The following INSR variants were observed in gnomAD, a reference collection of about 807,000 sequenced individuals.
The protein encoded by INSR is insulin receptor.
Under a neutral mutation model 142.6 loss-of-function variants are expected in INSR, and 67 were observed. That is an observed-to-expected ratio of 0.47 (90% CI 0.39 to 0.58). The LOEUF is 0.58. INSR is among the 20% of genes least tolerant of loss of function. INSR has a pLI of 0.00. For synonymous variants in INSR, 756 were observed against 743.1 expected (o/e 1.02, Z -0.28); for missense variants, 1,248 against 1,833.2 (o/e 0.68, Z 5.83).
intron 1 of INSR, among the ~76,000 whole-genome samples, chr19:7,290,712 G>A (rs554569173): frequency 1.6e-4 from 24 of 149,816 alleles, no homozygotes; most frequent in Non-Finnish European, 2.7e-4. Flanking sequence ...GGCGGAGGTC[G>A]CAAAGATCGT....
rs773111548 is a variant in INSR, at chr19:7,152,993, A to AC, written c.2030-67dup. 5,317 of 690,012 alleles carry AC rather than the reference A, an allele frequency of 7.7e-3. 71 individuals are homozygous for AC. Among genetic ancestry groups the AC allele is most frequent in the Non-Finnish European group, 8.9e-3 (3,900 of 437,960 alleles). The allele number at this position is 690,012 out of a possible 1,614,324, so 42.7% of individuals were successfully genotyped here. A position where few individuals can be genotyped will look rare whatever the true frequency, so the allele number is the denominator to read the frequency against. On this transcript the variant is annotated intron_variant, in intron 9 of 21. Coordinates refer to ENST00000302850, the MANE Select transcript of INSR (RefSeq NM_000208.4). ...GCTGAACACACATACACACACACAC[A>AC]CACCCCACACACACACACACCACAC...
At chr19:7,153,459 C>CCACACACCACA (rs72347224) in intron 9 of INSR, among the ~76,000 whole-genome samples, 9 of 131,330 alleles carry the variant, frequency 6.9e-5, no homozygotes, top group Non-Finnish European at 1.0e-4. Flanking sequence ...CACACCCACG[C>CCACACACCACA]CACACACCAC....
In INSR at chr19:7,174,589, C is replaced by T; in HGVS notation, c.1117G>A (p.Gly373Arg). The T allele has an allele frequency of 3.7e-6, 6 of 1,614,014 alleles. No individual in the cohort carries two copies. The highest frequency in any genetic ancestry group is 5.1e-6 in the Non-Finnish European group (6 of 1,179,968). Residue 373 changes from glycine to arginine, a missense_variant, in exon 4 of 22, where the codon GGA (glycine) becomes AGA (arginine). Physicochemically the swap from Gly to Arg is moderately radical, Grantham distance 125. This residue lies in a region of INSR where 1,069 missense variants were observed against 1,654.0 expected (regional missense o/e 0.65). Transcript: ENST00000302850. ...INGSLIINIR[G>R]GNNLAAELEA... is the part of the protein sequence containing the mutation. The stretch of plus-strand genomic sequence containing the variant: ...CCCACACAGAGACACTCACTGCCTC[C>T]TCGAATGTTGATGATCAGACTCCCG...
At chr19:7,208,460 C>G (rs983327044) in intron 2 of INSR, among the ~76,000 whole-genome samples, 2 of 152,110 alleles carry the variant, frequency 1.3e-5, no homozygotes, top group African/African-American at 4.8e-5. Flanking sequence ...ACAGCAGATA[C>G]CCAAATAGAA....
chr19:7,132,455 A>T (rs907926794), intron 13 of INSR, 138 bp from the exon 14 acceptor site: 2 of 889,588 alleles, frequency 2.2e-6, no homozygotes, highest in African/African-American at 3.3e-5. Context: ...AAGACACATA[A>T]GCGACTTTGA....
At chr19:7,274,434 C>T (rs560505764) in intron 1 of INSR, among the ~76,000 whole-genome samples, 7 of 151,104 alleles carry the variant, frequency 4.6e-5, no homozygotes, top group South Asian at 2.1e-4. Context: ...TTTCCCATGA[C>T]GCCTACGAGA....
At chr19:7,212,208 G>A (rs1160617307) in intron 2 of INSR, among the ~76,000 whole-genome samples, 1 of 152,100 alleles carries the variant, frequency 6.6e-6, no homozygotes, top group Admixed American at 6.6e-5. Flanking sequence ...CTTGGTGAGC[G>A]AGACTCTTGC....
intron 2 of INSR, among the ~76,000 whole-genome samples, chr19:7,266,647 A>G (rs943390953): frequency 2.0e-5 from 3 of 152,094 alleles, no homozygotes; most frequent in Non-Finnish European, 4.4e-5. Context: ...AGCCTCCCCA[A>G]GTGCTGGGAT....
chr19:7,288,312 G>GC (rs1968397905), intron 1 of INSR, among the ~76,000 whole-genome samples: 1 of 152,060 alleles, frequency 6.6e-6, no homozygotes, highest in Admixed American at 6.6e-5. Flanking sequence ...ACCAGCATGG[G>GC]CAACATAGCT....
rs749680238 is a variant in INSR at position 7,150,505 on chromosome 19, C to G, written c.2259G>C (p.Glu753Asp). The G allele has an allele frequency of 2.5e-6, 4 of 1,614,064 alleles. No individual in the cohort carries two copies. In the African/African-American group the frequency reaches 4.0e-5, roughly 16 times the overall value. Residue 753 changes from glutamate (E) to aspartate (D), a missense_variant, in exon 11 of 22, where the codon GAG (glutamate) becomes GAC (aspartate). Transcript: ENST00000302850. The surrounding 1 kb of genome is among the most constrained non-coding windows in gnomAD (Gnocchi z 4.2). ...PRKTSSGTGA[E>D]DPRPSRKRRS... is the part of the protein sequence containing the mutation. ...GCACAGGTGAGTCATACCTAGGGTC[C>G]TCGGCACCAGTGCCTGAAGAGGTTT...
At chr19:7,231,213 A>G (rs992707344) in intron 2 of INSR, among the ~76,000 whole-genome samples, 1 of 152,122 alleles carries the variant, frequency 6.6e-6, no homozygotes, top group South Asian at 2.1e-4. Context: ...GGGAAGAATT[A>G]ATTTCGGATC....
chr19:7,207,952 G>GGGAA (rs1975160430), intron 2 of INSR, among the ~76,000 whole-genome samples: 1 of 117,464 alleles, frequency 8.5e-6, no homozygotes, highest in Non-Finnish European at 1.9e-5. Flanking sequence ...GAAGGAGGGA[G>GGGAA]GGAGGGAGGG....
intron 1 of INSR, among the ~76,000 whole-genome samples, chr19:7,286,865 CAGAG>C (rs1365326305): frequency 1.3e-5 from 2 of 151,172 alleles, no homozygotes; most frequent in Non-Finnish European, 3.0e-5. Context: ...TTGTTTGAGA[CAGAG>C]AGAGGATCTC....
intron 2 of INSR, among the ~76,000 whole-genome samples, chr19:7,236,027 G>A (rs1600073555): frequency 6.8e-6 from 1 of 146,140 alleles, no homozygotes; most frequent in South Asian, 2.1e-4. Flanking sequence ...AGGCTGGAGT[G>A]CAGTGGTGCG....
At position 7,184,638 on chromosome 19, in the gene INSR, C is replaced by G; in HGVS notation, c.653-1G>C. On this transcript the variant is annotated splice_acceptor_variant, in intron 2 of 21. Coordinates refer to ENST00000302850, the MANE Select transcript of INSR (RefSeq NM_000208.4). LOFTEE classifies it high-confidence loss of function. ...TGTGACTTACAGATGGTCGGGCAAA[C>G]TGGAGAGAGAGAGAGAGAGAGAGGG... is the stretch of plus-strand genomic sequence containing the variant. The G allele has an allele frequency of 6.4e-7, 1 of 1,552,862 alleles. No individual in the cohort carries two copies. The highest frequency in any genetic ancestry group is 8.7e-7 in the Non-Finnish European group (1 of 1,151,520).
intron 1 of INSR, among the ~76,000 whole-genome samples, chr19:7,287,159 C>CT (rs34457204): frequency 0.013 from 1,647 of 129,128 alleles, 83 homozygotes; most frequent in Admixed American, 0.081. Context: ...CAAAAATATT[C>CT]TTTTTTTTTT....
chr19:7,262,430 C>A (rs1180286467), intron 2 of INSR, among the ~76,000 whole-genome samples: 2 of 152,152 alleles, frequency 1.3e-5, no homozygotes, highest in Non-Finnish European at 2.9e-5. Flanking sequence ...TGAGATCGCA[C>A]CATTGCAATC....
In INSR at chr19:7,117,119, T is replaced by C. The variant is rs897227541; in HGVS notation, c.4086A>G (p.Thr1362=). 5 of 1,613,868 alleles carry C rather than the reference T, an allele frequency of 3.1e-6. No homozygotes were observed. The African/African-American group carries it at 6.7e-5, about 22-fold the overall frequency. The part of the protein sequence containing the change: ...KRSYEEHIPY[T]HMNGGKKNGR... ...CGTTTTTCTTGCCTCCGTTCATGTG[T>C]GTGTAAGGGATGTGTTCCTCGTAGC... The change falls in exon 22 of 22, where the codon ACA becomes ACG. Residue 1362 remains threonine, a synonymous_variant. Transcript: ENST00000302850.
In INSR at chr19:7,271,946, A is replaced by G. The variant is rs1441704400; in HGVS notation, c.101-4050T>C. 4.6e-5 allele frequency among the ~76,000 whole-genome samples: 7 copies of G among 151,364 alleles called. No homozygotes were observed. In the East Asian group the frequency reaches 1.4e-3, roughly 30 times the overall value. On this transcript the variant is annotated intron_variant, in intron 1 of 21. Transcript: ENST00000302850. ...GATCGCTTGAGCCTAGGAGGTCAGG[A>G]CTGCAGTGATCTGTGTTTGTACCCC...
Sources: gnomAD v4.1 joint callset for allele counts (sites outside exome capture counted in the v4.1 genomes callset) on GRCh38, gnomAD v4.1.1 for gene constraint, gnomAD v4.1.1 regional missense constraint, Gnocchi (gnomAD v3.1) non-coding constraint, MANE v1.5 for transcripts, NCBI Gene and HGNC (gene_info 2026-07-23, HGNC 2026-07-21) for gene names.